GSE1: variants seen among roughly 807,000 people sequenced by gnomAD.
GSE1 encodes Gse1 coiled-coil protein.
GSE1 carries 32 observed loss-of-function variants against 112.6 expected under a neutral mutation model. The observed-to-expected ratio is 0.28, with a 90% CI of 0.21 to 0.38. The LOEUF is 0.38. Among genes scored for constraint, GSE1 ranks in the 10% least tolerant of loss-of-function variants. GSE1 has a pLI of 1.00. For synonymous variants in GSE1, 1,115 were observed against 735.6 expected (o/e 1.52, Z -8.35); for missense variants, 2,348 against 1,699.2 (o/e 1.38, Z -6.71).
At chr16:85,359,328 T>C (rs1246621331) in intron 2 of GSE1, 1 of 452,624 alleles carries the variant, frequency 2.2e-6, no homozygotes, top group Non-Finnish European at 4.4e-6. Context: ...GTTCTCACCG[T>C]TTCTCTCCCA....
chr16:85,359,484 G>C, intron 2 of GSE1: 1 of 451,932 alleles, frequency 2.2e-6, no homozygotes, highest in Non-Finnish European at 4.5e-6. Flanking sequence ...AAATGAATGA[G>C]TCATCCTGAG....
chr16:85,416,539 G>A (rs1445494303), intron 2 of GSE1, among the ~76,000 whole-genome samples: 1 of 152,282 alleles, frequency 6.6e-6, no homozygotes, highest in Middle Eastern at 3.4e-3. Context: ...GTGCCCACTT[G>A]CCCTCTAGGG....
At chr16:85,553,683 G>A (rs1048364808), upstream of GSE1, among the ~76,000 whole-genome samples, 1 of 152,104 alleles carries the variant, frequency 6.6e-6, no homozygotes, top group Non-Finnish European at 1.5e-5. Flanking sequence ...CCCCTCCCTT[G>A]GCTCCGAGCG....
intron 2 of GSE1, among the ~76,000 whole-genome samples, chr16:85,529,543 G>C (rs2151178888): frequency 6.6e-6 from 1 of 152,312 alleles, no homozygotes; most frequent in Admixed American, 6.5e-5. Flanking sequence ...GGGGGCAGCT[G>C]AGCAGCCCCT....
intron 1 of GSE1, among the ~76,000 whole-genome samples, chr16:85,224,385 G>C (rs1004087715): frequency 9.7e-5 from 14 of 144,756 alleles, no homozygotes; most frequent in African/African-American, 3.4e-4. Flanking sequence ...AAAAATTCTC[G>C]ATCTGGTTGG....
chr16:85,637,919 A>T (rs1598492919), intron 2 of GSE1, among the ~76,000 whole-genome samples: 1 of 152,086 alleles, frequency 6.6e-6, no homozygotes, highest in Non-Finnish European at 1.5e-5. Context: ...TCCTGGGCAG[A>T]GGGGGCAGGG....
intron 2 of GSE1, among the ~76,000 whole-genome samples, chr16:85,525,615 ACAGAGCC>A (rs2052342057): frequency 2.0e-5 from 3 of 152,224 alleles, no homozygotes; most frequent in Admixed American, 2.0e-4. Context: ...AGTTAACGTC[ACAGAGCC>A]CAGACTACAG....
intron 3 of GSE1, among the ~76,000 whole-genome samples, chr16:85,650,642 A>G (rs773929628): frequency 2.0e-4 from 30 of 152,278 alleles, no homozygotes; most frequent in Non-Finnish European, 4.0e-4. Context: ...CCAGCAGTGT[A>G]CCACCGCGGC....
At chr16:85,529,322 G>T (rs962371717) in intron 2 of GSE1, among the ~76,000 whole-genome samples, 1 of 152,202 alleles carries the variant, frequency 6.6e-6, no homozygotes, top group Non-Finnish European at 1.5e-5. Flanking sequence ...AGAGTCTCTG[G>T]GTTGCAGCTG....
At position 85,246,508 on chromosome 16, in the gene GSE1, C is replaced by A. The variant is rs1234522797; in HGVS notation, c.2283+74701C>A. On this transcript the variant is annotated intron_variant, in intron 1 of 2. Coordinates refer to the GSE1 transcript ENST00000637419. ...ACACACACACTCTACACACCCCCCCCCCCCCGACGCTGTCTGCAGGAGATG... is the reference window on the plus strand; with the variant it reads ...ACACACACACTCTACACACCCCCCCACCCCCGACGCTGTCTGCAGGAGATG... Among the ~76,000 whole-genome samples, 7 of 100,420 alleles carry A rather than the reference C, an allele frequency of 7.0e-5. 1 individual carries two copies. The highest frequency in any genetic ancestry group is 4.0e-4 in the South Asian group (1 of 2,498). The allele number at this position is 100,420 out of a possible 152,430, so 65.9% of individuals were successfully genotyped here. A position where few individuals can be genotyped will look rare whatever the true frequency, so the allele number is the denominator to read the frequency against.
chr16:85,256,576 C>T (rs992249351), intron 1 of GSE1, among the ~76,000 whole-genome samples: 11 of 152,236 alleles, frequency 7.2e-5, no homozygotes, highest in Admixed American at 2.0e-4. Context: ...GCACCTGGCC[C>T]GGCCTCCCGG....
intron 2 of GSE1, among the ~76,000 whole-genome samples, chr16:85,384,959 A>C (rs57711600): frequency 3.3e-5 from 5 of 152,262 alleles, no homozygotes; most frequent in African/African-American, 2.4e-5. Flanking sequence ...CCAGCAGGTT[A>C]GCGTGCTGTG....
chr16:85,175,650 G>A (rs1407057736), intron 1 of GSE1, among the ~76,000 whole-genome samples: 1 of 152,186 alleles, frequency 6.6e-6, no homozygotes, highest in Non-Finnish European at 1.5e-5. Context: ...GCTGGGATGG[G>A]GAACGGCTGT....
At chr16:85,622,726 A>G (rs2048818479) in intron 1 of GSE1, among the ~76,000 whole-genome samples, 1 of 152,154 alleles carries the variant, frequency 6.6e-6, no homozygotes, top group African/African-American at 2.4e-5. Context: ...GGGGAGACCT[A>G]CCTTGGGGTT....
At chr16:85,258,059 C>G (rs1283951582) in intron 1 of GSE1, among the ~76,000 whole-genome samples, 6 of 152,220 alleles carry the variant, frequency 3.9e-5, no homozygotes, top group African/African-American at 1.4e-4. Flanking sequence ...TTCCCCATCC[C>G]CAGTGCCCCC....
At chr16:85,478,911 C>CTT (rs746073453) in intron 2 of GSE1, among the ~76,000 whole-genome samples, 8 of 58,602 alleles carry the variant, frequency 1.4e-4, no homozygotes, top group African/African-American at 5.4e-4. Flanking sequence ...TTCTTTCTTT[C>CTT]TTTCTTTCTT....
At chr16:85,519,533 A>G (rs111172004) in intron 2 of GSE1, among the ~76,000 whole-genome samples, 2 of 15,756 alleles carry the variant, frequency 1.3e-4, no homozygotes, top group African/African-American at 1.0e-3. Flanking sequence ...CACCTTCACC[A>G]CCATCATCAC....
intron 2 of GSE1, among the ~76,000 whole-genome samples, chr16:85,430,238 T>C (rs1349789069): frequency 6.6e-6 from 1 of 151,946 alleles, no homozygotes; most frequent in Non-Finnish European, 1.5e-5. Context: ...AGGAAACAGA[T>C]AGAATGCAGT....
Position 85,661,241 on chromosome 16 carries a change from C to G in GSE1, c.1736C>G (p.Ala579Gly), listed in dbSNP as rs2151957863. The change falls in exon 9 of 16, where the codon GCT becomes GGT. Residue 579 changes from alanine (A) to glycine (G), a missense_variant. By Grantham distance (60) the Ala-to-Gly change is moderately conservative (BLOSUM62 0). Coordinates refer to ENST00000253458, the MANE Select transcript of GSE1 (RefSeq NM_014615.5). ...ATTTCGCCCAAGCCCCAGCTCCATG[C>G]TGCACCCACGGCCCTCTGGAACCCC... Reference protein sequence around the residue: ...PLISPKPQLHAAPTALWNPVS... With the variant: ...PLISPKPQLHGAPTALWNPVS... 1.2e-6 allele frequency: 2 copies of G among 1,612,918 alleles called. No individual in the cohort carries two copies. Among genetic ancestry groups the G allele is most frequent in the South Asian group, 1.1e-5 (1 of 91,080 alleles).
Sources: gnomAD v4.1 joint callset for allele counts (sites outside exome capture counted in the v4.1 genomes callset) on GRCh38, gnomAD v4.1.1 for gene constraint, MANE v1.5 for transcripts, NCBI Gene and HGNC (gene_info 2026-07-23, HGNC 2026-07-21) for gene names.